The following ZNF292 variants were observed in gnomAD, a reference collection of about 807,000 sequenced individuals.
The protein encoded by ZNF292 is 16 zinc-finger domain protein.
Under a neutral mutation model 217.9 loss-of-function variants are expected in ZNF292, and 26 were observed. The ratio of observed to expected loss-of-function variants is 0.12; its 90% CI spans 0.09 to 0.17. The LOEUF is 0.17. ZNF292 is among the 10% of genes least tolerant of loss of function. ZNF292 has a pLI of 1.00. For synonymous variants in ZNF292, 1,257 were observed against 1,124.1 expected (o/e 1.12, Z -2.37); for missense variants, 2,904 against 3,175.2 (o/e 0.91, Z 2.05).
chr6:87,223,074 GT>G (rs1773174924), intron 4 of ZNF292: 1 of 186,938 alleles, frequency 5.3e-6, no homozygotes, highest in Non-Finnish European at 1.1e-5. Flanking sequence ...GAGGTTTTTT[GT>G]TTGTTTGTTT....
At chr6:87,188,828 T>C (rs995280963) in intron 1 of ZNF292, among the ~76,000 whole-genome samples, 1 of 151,800 alleles carries the variant, frequency 6.6e-6, no homozygotes, top group African/African-American at 2.4e-5. Context: ...TGGCTATATA[T>C]TAATCTAAAC....
Position 87,260,692 on chromosome 6 carries a change from A to G in ZNF292, c.7063A>G (p.Lys2355Glu), listed in dbSNP as rs1775530458. 6.2e-7 allele frequency: 1 copy of G among 1,612,840 alleles called. No individual in the cohort carries two copies. The highest frequency in any genetic ancestry group is 1.3e-5 in the African/African-American group (1 of 74,850). Reference sequence around the variant, plus strand: ...AAAGATTGTGCAGATTGAAGAAAATAAGCCTTATTCTCTGAAACGTGGGAA... The same window carrying G: ...AAAGATTGTGCAGATTGAAGAAAATGAGCCTTATTCTCTGAAACGTGGGAA... ...NAKIVQIEEN[K>E]PYSLKRGKHV... The change falls in exon 8 of 8, where the codon AAG becomes GAG. Residue 2355 changes from lysine to glutamate, a missense_variant. Coordinates refer to ENST00000369577, the MANE Select transcript of ZNF292 (RefSeq NM_015021.3).
intron 5 of ZNF292, among the ~76,000 whole-genome samples, chr6:87,234,106 A>G (rs181880038): frequency 2.0e-5 from 3 of 152,336 alleles, no homozygotes; most frequent in Admixed American, 2.0e-4. Context: ...GTTTATGACT[A>G]CAAAATTCTG....
At chr6:87,208,440 C>T (rs1307729900) in intron 1 of ZNF292, among the ~76,000 whole-genome samples, 3 of 152,012 alleles carry the variant, frequency 2.0e-5, no homozygotes, top group African/African-American at 7.2e-5. Context: ...TTTCTCCTAT[C>T]CATAATTTTT....
chr6:87,261,916 C>G lies in ZNF292; in HGVS notation c.*115C>G, dbSNP rs1331745349. 2.5e-6 allele frequency: 2 copies of G among 813,738 alleles called. No homozygotes were observed. Among genetic ancestry groups the G allele is most frequent in the Non-Finnish European group, 3.5e-6 (2 of 575,192 alleles). 50.4% of individuals were successfully genotyped at this position (813,738 alleles called of 1,614,324 possible). On this transcript the variant is annotated 3_prime_UTR_variant, in exon 8 of 8. Transcript: ENST00000369577. The stretch of plus-strand genomic sequence containing the variant: ...TTTTTTGTTGTTGACATGAATTAAC[C>G]TGGCCAAAAACAAAAAAGAAAAAAA...
chr6:87,201,108 T>A (rs1444238581), intron 1 of ZNF292, among the ~76,000 whole-genome samples: 1 of 152,212 alleles, frequency 6.6e-6, no homozygotes, highest in African/African-American at 2.4e-5. Context: ...AAAATGGTGG[T>A]GGACCAATCT....
At chr6:87,214,168 A>ATATAATGTAGGCAGCTTGGG (rs900425236) in intron 1 of ZNF292, among the ~76,000 whole-genome samples, 1 of 152,176 alleles carries the variant, frequency 6.6e-6, no homozygotes, top group Non-Finnish European at 1.5e-5. Flanking sequence ...ATAATCTTGG[A>ATATAATGTAGGCAGCTTGGG]TATAATGTAG....
chr6:87,215,862 A>T, intron 1 of ZNF292, 41 bp from the exon 2 acceptor site: 1 of 1,505,030 alleles, frequency 6.6e-7, no homozygotes, highest in Non-Finnish European at 8.9e-7. Context: ...GTATATTTTG[A>T]TTTACATTTT....
rs78758081 is a variant in ZNF292, at chr6:87,163,421, A to G, written c.168+7662A>G. On this transcript the variant is annotated intron_variant, in intron 1 of 7. Transcript: ENST00000369577. ...AGCCACGATGGCGCCACTGCACTCC[A>G]GCCTGGGTGACAGATCGAGACTTCG... Among the ~76,000 whole-genome samples the G allele has an allele frequency of 5.3e-5, 8 of 152,144 alleles. No homozygotes were observed. In the East Asian group the frequency reaches 1.5e-3, roughly 29 times the overall value.
In ZNF292 at chr6:87,243,513, C is replaced by T. The variant is rs778591262; in HGVS notation, c.780C>T (p.Ile260=). 1 of 1,554,740 alleles carries T rather than the reference C, an allele frequency of 6.4e-7. No homozygotes were observed. The highest frequency in any genetic ancestry group is 1.2e-5 in the South Asian group (1 of 82,760). ...EVDCKDALEM[I]CNLESEGDEK... ...ATTGCAAAGATGCACTGGAAATGAT[C>T]TGTAACTTAGAATCTGAGGGTGATG... is the stretch of plus-strand genomic sequence containing the variant. The change falls in exon 6 of 8, where the codon ATC becomes ATT. Residue 260 remains isoleucine, a synonymous_variant. Transcript: ENST00000369577.
Position 87,233,238 on chromosome 6 carries a change from G to A in ZNF292, c.539-87G>A, listed in dbSNP as rs79975156. The A allele has an allele frequency of 2.8e-4, 267 of 952,084 alleles. 2 individuals carry two copies. In the East Asian group the frequency reaches 6.8e-3, roughly 24 times the overall value. 59.0% of individuals were successfully genotyped at this position (952,084 alleles called of 1,614,324 possible). On this transcript the variant is annotated intron_variant, in intron 4 of 7. Transcript: ENST00000369577. ...ATTGAAAAAAAGCATTTTAGTTCCC[G>A]TGTTTAAAAATATTTCTTATAAGTG...
chr6:87,261,883 C>T lies in ZNF292; in HGVS notation c.*82C>T, dbSNP rs1775622863. Reference sequence around the variant, plus strand: ...AAGCATGCTAGAATTGTGAAACTTTCATTATATTTTTTTGTTGTTGACATG... The same window carrying T: ...AAGCATGCTAGAATTGTGAAACTTTTATTATATTTTTTTGTTGTTGACATG... On this transcript the variant is annotated 3_prime_UTR_variant, in exon 8 of 8. Transcript: ENST00000369577. 8 of 1,000,384 alleles carry T rather than the reference C, an allele frequency of 8.0e-6. No homozygotes were observed. The highest frequency in any genetic ancestry group is 1.7e-5 in the African/African-American group (1 of 60,144). 62.0% of individuals were successfully genotyped at this position (1,000,384 alleles called of 1,614,324 possible). A position where few individuals can be genotyped will look rare whatever the true frequency, so the allele number is the denominator to read the frequency against.
chr6:87,196,335 T>C (rs1925695), intron 1 of ZNF292, among the ~76,000 whole-genome samples: 95,428 of 152,092 alleles, frequency 0.63, 31,441 homozygotes, highest in African/African-American at 0.84. Context: ...AATTCCACTT[T>C]CAGCATTGCC....
At chr6:87,219,526 T>C (rs1283468535) in intron 4 of ZNF292, among the ~76,000 whole-genome samples, 2 of 152,350 alleles carry the variant, frequency 1.3e-5, no homozygotes, top group East Asian at 3.9e-4. Flanking sequence ...TAGCAAGTTA[T>C]GAAGGCCATG....
chr6:87,203,998 A>G (rs1177843770), intron 1 of ZNF292, among the ~76,000 whole-genome samples: 2 of 152,214 alleles, frequency 1.3e-5, no homozygotes, highest in African/African-American at 4.8e-5. Flanking sequence ...CATAATGTGT[A>G]CCACCTGATA....
At chr6:87,248,830 A>C (rs1344111968) in intron 7 of ZNF292, among the ~76,000 whole-genome samples, 1 of 152,162 alleles carries the variant, frequency 6.6e-6, no homozygotes, top group African/African-American at 2.4e-5. Flanking sequence ...CTTCAGTCTT[A>C]CTCACCACTC....
chr6:87,197,116 G>A (rs1012841941), intron 1 of ZNF292, among the ~76,000 whole-genome samples: 1 of 152,164 alleles, frequency 6.6e-6, no homozygotes. Flanking sequence ...TAGAGAAACT[G>A]TAGAATTTAA....
chr6:87,260,886 A>T lies in ZNF292; in HGVS notation c.7257A>T (p.Gln2419His). The T allele has an allele frequency of 6.2e-7, 1 of 1,610,504 alleles. No individual in the cohort carries two copies. The highest frequency in any genetic ancestry group is 8.5e-7 in the Non-Finnish European group (1 of 1,178,152). Residue 2419 changes from glutamine (Q) to histidine (H), a missense_variant, in exon 8 of 8, where the codon CAA (glutamine) becomes CAT (histidine). Physicochemically the swap from Gln to His is conservative, Grantham distance 24 (BLOSUM62 0). This residue lies in a region of ZNF292 where 380 missense variants were observed against 355.3 expected (regional missense o/e 1.07). Transcript: ENST00000369577. ...AATTATCTAAGGCATTTACATCACA[A>T]CACCGAAATCTTCTTATTGTATTCA... is the stretch of plus-strand genomic sequence containing the variant. Reference protein sequence around the residue: ...CHKLSKAFTSQHRNLLIVFKR... With the variant: ...CHKLSKAFTSHHRNLLIVFKR...
At position 87,255,198 on chromosome 6, in the gene ZNF292, G is replaced by A; in HGVS notation, c.1569G>A (p.Gln523=). The A allele has an allele frequency of 1.9e-6, 3 of 1,613,876 alleles. No homozygotes were observed. Among genetic ancestry groups the A allele is most frequent in the Middle Eastern group, 1.6e-4 (1 of 6,062 alleles). Reference sequence around the variant, plus strand: ...AGCAGAAGAAGAGAGAGATAAAACAGTTAAGAGAGAGGGGATTTATATCTG... The same window carrying A: ...AGCAGAAGAAGAGAGAGATAAAACAATTAAGAGAGAGGGGATTTATATCTG... ...DEKQKKREIK[Q]LRERGFISAR... is the part of the protein sequence containing the mutation. The change falls in exon 8 of 8, where the codon CAG becomes CAA. Residue 523 remains glutamine (Q), a synonymous_variant. Coordinates refer to ENST00000369577, the MANE Select transcript of ZNF292 (RefSeq NM_015021.3).
Sources: allele counts gnomAD v4.1 joint callset (sites outside exome capture counted in the v4.1 genomes callset), GRCh38; gene constraint gnomAD v4.1.1; regional missense constraint gnomAD v4.1.1; transcripts MANE v1.5; gene names NCBI Gene and HGNC (gene_info 2026-07-23, HGNC 2026-07-21).